Variants in CSMD1 observed in about 807,000 individuals in gnomAD.
The protein encoded by CSMD1 is CUB and sushi domain-containing protein 1.
In CSMD1, 213 loss-of-function variants were observed where a neutral mutation model predicts 417.5. The observed-to-expected ratio is 0.51, with a 90% confidence interval of 0.46 to 0.57. The LOEUF (loss-of-function observed/expected upper bound fraction) is 0.57, where lower values mean the gene tolerates loss of function less well. Among genes scored for constraint, CSMD1 ranks in the 20% least tolerant of loss-of-function variants. CSMD1 has a pLI of 0.00. For missense variants in CSMD1, 6,923 were observed against 4,529.7 expected (o/e 1.53, Z -15.17); for synonymous variants, 2,862 against 1,736.8 (o/e 1.65, Z -16.11).
chr8:4,638,986 G>C (rs1365605146), intron 1 of CSMD1, among the ~76,000 whole-genome samples: 1 of 152,174 alleles, frequency 6.6e-6, no homozygotes, highest in South Asian at 2.1e-4. Flanking sequence ...CAGGCTTCCT[G>C]CAAGAACCAA....
chr8:4,618,085 T>C (rs530887115), intron 2 of CSMD1, among the ~76,000 whole-genome samples: 3 of 152,278 alleles, frequency 2.0e-5, no homozygotes, highest in East Asian at 1.9e-4. Context: ...CTGAATTTTT[T>C]GGTACAATCT....
At chr8:4,146,191 C>G (rs1290664424) in intron 3 of CSMD1, among the ~76,000 whole-genome samples, 1 of 150,664 alleles carries the variant, frequency 6.6e-6, no homozygotes, top group Non-Finnish European at 1.5e-5. Context: ...AGTCGATTCT[C>G]AAAAAAAGGG....
At chr8:4,112,309 C>A (rs574364138) in intron 3 of CSMD1, among the ~76,000 whole-genome samples, 33 of 152,324 alleles carry the variant, frequency 2.2e-4, no homozygotes, top group African/African-American at 6.5e-4. Flanking sequence ...CACATTTACA[C>A]AGACTCCACC....
intron 3 of CSMD1, among the ~76,000 whole-genome samples, chr8:4,103,933 C>T (rs1033059399): frequency 4.6e-5 from 7 of 152,186 alleles, no homozygotes; most frequent in African/African-American, 1.4e-4. Flanking sequence ...GCCTGTGTTG[C>T]AACATTCACT....
intron 37 of CSMD1, among the ~76,000 whole-genome samples, chr8:3,165,620 G>C (rs1390145610): frequency 6.6e-6 from 1 of 151,954 alleles, no homozygotes; most frequent in African/African-American, 2.4e-5. Context: ...TTTTAGAAAA[G>C]ACGGGGTTTC....
rs148563403 is a variant in CSMD1 at position 4,228,988 on chromosome 8, C to T, written c.415+190965G>A. On this transcript the variant is annotated intron_variant, in intron 3 of 69. Coordinates refer to ENST00000635120, the MANE Select transcript of CSMD1 (RefSeq NM_033225.6). ...AGCCAGGACCCCTGATTTTAAAGCGCGAACCTGGACTTTTCCATGAAATTG... is the reference window on the plus strand; with the variant it reads ...AGCCAGGACCCCTGATTTTAAAGCGTGAACCTGGACTTTTCCATGAAATTG... Among the ~76,000 whole-genome samples the T allele has an allele frequency of 2.5e-3, 387 of 152,200 alleles. 1 individual carries two copies. Among genetic ancestry groups the T allele is most frequent in the Non-Finnish European group, 3.8e-3 (260 of 68,012 alleles).
chr8:3,071,858 G>C (rs1813345629), intron 49 of CSMD1, among the ~76,000 whole-genome samples: 2 of 152,192 alleles, frequency 1.3e-5, no homozygotes, highest in African/African-American at 4.8e-5. Flanking sequence ...TATGAAGGCA[G>C]CATCTATCAC....
At chr8:3,659,059 G>C (rs955692198) in intron 7 of CSMD1, among the ~76,000 whole-genome samples, 2 of 152,128 alleles carry the variant, frequency 1.3e-5, no homozygotes, top group African/African-American at 2.4e-5. Flanking sequence ...GCATCTACTT[G>C]AAATTAGTTC....
chr8:3,017,104 T>C (rs1585156845), intron 52 of CSMD1, among the ~76,000 whole-genome samples: 1 of 152,220 alleles, frequency 6.6e-6, no homozygotes. Context: ...TTGTAAGCAG[T>C]AGAGCAGCAA....
intron 1 of CSMD1, among the ~76,000 whole-genome samples, chr8:4,985,371 AGT>A (rs1811122337): frequency 2.0e-5 from 3 of 151,316 alleles, no homozygotes; most frequent in African/African-American, 7.3e-5. Context: ...GGAACTTAAA[AGT>A]TTTTTTTAAA....
chr8:3,389,973 G>T (rs1308010341), intron 17 of CSMD1, among the ~76,000 whole-genome samples: 2 of 152,120 alleles, frequency 1.3e-5, no homozygotes, highest in African/African-American at 4.8e-5. Context: ...CTGTTGAGTG[G>T]TAGAATTATG....
At chr8:3,606,867 C>G (rs559766161) in intron 8 of CSMD1, among the ~76,000 whole-genome samples, 2 of 151,944 alleles carry the variant, frequency 1.3e-5, no homozygotes, top group East Asian at 1.9e-4. Context: ...CCTGCCACCA[C>G]GCCCGGCAAA....
intron 51 of CSMD1, among the ~76,000 whole-genome samples, chr8:3,027,939 C>T (rs1342478634): frequency 6.6e-6 from 1 of 152,166 alleles, no homozygotes; most frequent in Non-Finnish European, 1.5e-5. Context: ...GAAGGCTCTC[C>T]ACTGTACGTG....
intron 11 of CSMD1, among the ~76,000 whole-genome samples, chr8:3,488,944 T>C (rs1196027372): frequency 2.6e-5 from 4 of 152,204 alleles, no homozygotes; most frequent in Non-Finnish European, 5.9e-5. Context: ...CGAAAATGTA[T>C]TTAAGTCAAT....
chr8:3,116,953 T>A (rs1816910699), intron 42 of CSMD1, among the ~76,000 whole-genome samples: 1 of 152,150 alleles, frequency 6.6e-6, no homozygotes, highest in African/African-American at 2.4e-5. Flanking sequence ...GTTACTGCTA[T>A]CCTTATTTTA....
intron 10 of CSMD1, among the ~76,000 whole-genome samples, chr8:3,552,021 C>A (rs541143510): frequency 6.6e-6 from 1 of 152,204 alleles, no homozygotes; most frequent in African/African-American, 2.4e-5. Flanking sequence ...AGTTTCATAG[C>A]AAATGTTTAA....
rs1477265428 is a variant in CSMD1 at position 4,639,837 on chromosome 8, AT to A, written c.86-2280del. Among the ~76,000 whole-genome samples the A allele has an allele frequency of 2.8e-4, 42 of 152,320 alleles. 1 individual carries two copies. The highest frequency in any genetic ancestry group is 2.0e-3 in the Admixed American group (30 of 15,300). ...TTAATAAAAAGATTTAATGAAAGGGATTTATGAGTTTAAAACCAGAGAACTA... is the reference window on the plus strand; with the variant it reads ...TTAATAAAAAGATTTAATGAAAGGGATTATGAGTTTAAAACCAGAGAACTA... On this transcript the variant is annotated intron_variant, in intron 1 of 69. Transcript: ENST00000635120.
chr8:4,345,080 A>T (rs1453712414), intron 3 of CSMD1, among the ~76,000 whole-genome samples: 1 of 152,168 alleles, frequency 6.6e-6, no homozygotes, highest in Non-Finnish European at 1.5e-5. Flanking sequence ...GTTGGGGCTT[A>T]GAAAGAGGAG....
intron 52 of CSMD1, among the ~76,000 whole-genome samples, chr8:3,008,273 T>C (rs1216714841): frequency 1.3e-5 from 2 of 152,188 alleles, no homozygotes; most frequent in Admixed American, 1.3e-4. Context: ...GGGCAGAAAG[T>C]GGCTGAATTC....
Sources: allele counts gnomAD v4.1 joint callset (sites outside exome capture counted in the v4.1 genomes callset), GRCh38; gene constraint gnomAD v4.1.1; transcripts MANE v1.5; gene names NCBI Gene and HGNC (gene_info 2026-07-23, HGNC 2026-07-21).